The following NSD3 variants were observed in gnomAD, a reference collection of about 807,000 sequenced individuals.
The protein encoded by NSD3 is histone-lysine N-methyltransferase NSD3.
A neutral mutation model predicts 160.8 loss-of-function variants in NSD3; 24 were observed. The observed-to-expected ratio is 0.15, with a 90% CI of 0.11 to 0.21. The LOEUF is 0.21. Ranked by LOEUF, NSD3 falls within the 10% of genes least tolerant of loss-of-function variation. NSD3 has a pLI of 1.00. For missense variants in NSD3, 1,157 were observed against 1,735.9 expected (o/e 0.67, Z 5.93); for synonymous variants, 520 against 600.0 (o/e 0.87, Z 1.95).
At chr8:38,342,253 G>C (rs1408354768) in intron 2 of NSD3, among the ~76,000 whole-genome samples, 1 of 152,098 alleles carries the variant, frequency 6.6e-6, no homozygotes, top group Non-Finnish European at 1.5e-5. Flanking sequence ...AAATGTACGT[G>C]AGCAAAACAG....
In NSD3 at chr8:38,316,668, A is replaced by C; in HGVS notation, c.1856-626T>G. 4 of 1,054,548 alleles carry C rather than the reference A, an allele frequency of 3.8e-6. No homozygotes were observed. The highest frequency in any genetic ancestry group is 4.6e-6 in the Non-Finnish European group (4 of 872,486). The allele number at this position is 1,054,548 out of a possible 1,614,324, so 65.3% of individuals were successfully genotyped here. The stretch of plus-strand genomic sequence containing the variant: ...ATCTACATATGTCATGCCATTTAGA[A>C]GGCACATTGCTGAGGGCTGTAAATG... On this transcript the variant is annotated intron_variant, in intron 9 of 23. Coordinates refer to ENST00000317025, the MANE Select transcript of NSD3 (RefSeq NM_023034.2). The surrounding 1 kb of genome is among the most constrained non-coding windows in gnomAD (Gnocchi z 4.5).
At chr8:38,334,724 C>T (rs1278487429) in intron 4 of NSD3, among the ~76,000 whole-genome samples, 1 of 151,930 alleles carries the variant, frequency 6.6e-6, no homozygotes, top group Non-Finnish European at 1.5e-5. Context: ...CGTGCTACTG[C>T]ACTACAGCCT....
At chr8:38,373,731 A>G (rs1465675928) in intron 1 of NSD3, among the ~76,000 whole-genome samples, 1 of 152,018 alleles carries the variant, frequency 6.6e-6, no homozygotes, top group Admixed American at 6.6e-5. Context: ...CCCTATAAGG[A>G]TCACTTGAGG....
intron 21 of NSD3, among the ~76,000 whole-genome samples, chr8:38,278,717 CA>C (rs1333712773): frequency 6.6e-6 from 1 of 152,188 alleles, no homozygotes; most frequent in Admixed American, 6.5e-5. Flanking sequence ...GACTAGGTTC[CA>C]GTTCAGCCTT....
At chr8:38,348,334 T>C (rs995431975) in intron 1 of NSD3, 119 bp from the exon 2 acceptor site, 18 of 669,418 alleles carry the variant, frequency 2.7e-5, no homozygotes, top group Admixed American at 1.8e-4. Flanking sequence ...CAGATATGCA[T>C]AGACATTAAA....
At position 38,288,207 on chromosome 8, in the gene NSD3, T is replaced by TA. The variant is rs897995642; in HGVS notation, c.3501+279dup. On this transcript the variant is annotated intron_variant, in intron 19 of 23. Transcript: ENST00000317025. The surrounding 1 kb of genome is among the most constrained non-coding windows in gnomAD (Gnocchi z 4.5). ...TTAAAAGAAAATAAAAATAAAACAA[T>TA]AAAAAAAACAAGTAAAAACCATTTC... is the stretch of plus-strand genomic sequence containing the variant. Among the ~76,000 whole-genome samples the TA allele has an allele frequency of 5.1e-4, 78 of 151,660 alleles. No homozygotes were observed. Among genetic ancestry groups the TA allele is most frequent in the African/African-American group, 1.7e-3 (71 of 41,364 alleles).
intron 16 of NSD3, among the ~76,000 whole-genome samples, chr8:38,295,550 C>T (rs1266102092): frequency 1.3e-5 from 2 of 151,890 alleles, no homozygotes; most frequent in African/African-American, 2.4e-5. Flanking sequence ...AGAGCCAAAC[C>T]GCCTCACAAA....
chr8:38,304,490 G>C (rs1315351133), intron 14 of NSD3, 97 bp downstream of exon 14: 1 of 1,240,670 alleles, frequency 8.1e-7, no homozygotes, highest in African/African-American at 1.5e-5. Flanking sequence ...GATTCTACTA[G>C]ATGGCCTGAG....
At chr8:38,285,790 C>T (rs1172479092) in intron 19 of NSD3, among the ~76,000 whole-genome samples, 1 of 152,154 alleles carries the variant, frequency 6.6e-6, no homozygotes, top group Non-Finnish European at 1.5e-5. Context: ...TCCACATATC[C>T]AATACATCAG....
At chr8:38,371,733 G>A (rs1585933094) in intron 1 of NSD3, among the ~76,000 whole-genome samples, 1 of 152,124 alleles carries the variant, frequency 6.6e-6, no homozygotes, top group Non-Finnish European at 1.5e-5. Context: ...AGACCACTTA[G>A]AGTGACAAAA....
intron 2 of NSD3, among the ~76,000 whole-genome samples, chr8:38,347,065 G>C (rs1318712117): frequency 6.6e-6 from 1 of 152,062 alleles, no homozygotes; most frequent in Non-Finnish European, 1.5e-5. Context: ...TTAATAAAAA[G>C]ATTTCTATTA....
In NSD3 at chr8:38,269,908, AAAG is replaced by A. The variant is rs1808379575; in HGVS notation, c.*5730_*5732del. The A allele has an allele frequency of 6.6e-6, 1 of 152,248 alleles. No homozygotes were observed. The highest frequency in any genetic ancestry group is 1.5e-5 in the Non-Finnish European group (1 of 68,048). 9.4% of individuals were successfully genotyped at this position (152,248 alleles called of 1,614,324 possible). A position where few individuals can be genotyped will look rare whatever the true frequency, so the allele number is the denominator to read the frequency against. Reference sequence around the variant, plus strand: ...TGTTCCTACCAGCACACACATCAGTAAAGAAGCTTAAATATTACAGGCAACCCT... The same window carrying A: ...TGTTCCTACCAGCACACACATCAGTAAAGCTTAAATATTACAGGCAACCCT... On this transcript the variant is annotated 3_prime_UTR_variant, in exon 24 of 24. Transcript: ENST00000317025.
Position 38,382,094 on chromosome 8 carries a change from G to T in NSD3, c.-340C>A. ...GCCGAGGGACGGGGGTCGCCGCGCC[G>T]CCGCTGCTGCCAGAGAGGAGCCTGC... On this transcript the variant is annotated 5_prime_UTR_variant, in exon 1 of 24. Coordinates refer to ENST00000317025, the MANE Select transcript of NSD3 (RefSeq NM_023034.2). The surrounding 1 kb of genome is among the most constrained non-coding windows in gnomAD (Gnocchi z 4.2). The T allele has an allele frequency of 6.5e-6, 1 of 152,812 alleles. No homozygotes were observed. The highest frequency in any genetic ancestry group is 1.5e-5 in the Non-Finnish European group (1 of 68,124). 9.5% of individuals were successfully genotyped at this position (152,812 alleles called of 1,614,324 possible). A position where few individuals can be genotyped will look rare whatever the true frequency, so the allele number is the denominator to read the frequency against.
intron 13 of NSD3, 82 bp downstream of exon 13, chr8:38,305,166 T>C: frequency 7.1e-7 from 1 of 1,402,740 alleles, no homozygotes; most frequent in Non-Finnish European, 9.8e-7. Flanking sequence ...ATGCCTTATG[T>C]TGTTTGTAAT....
chr8:38,335,043 G>A (rs1298050175), intron 4 of NSD3, among the ~76,000 whole-genome samples: 1 of 146,986 alleles, frequency 6.8e-6, no homozygotes, highest in Non-Finnish European at 1.5e-5. Flanking sequence ...GGAGTGAAGT[G>A]GTGGATCTCG....
chr8:38,303,430 T>G lies in NSD3; in HGVS notation c.2611+1157A>C. On this transcript the variant is annotated intron_variant, in intron 14 of 23. Transcript: ENST00000317025. ...TTAAGAAAGACACAGTACTTCCTGCTCCAAAGGCAGACAGTCACATGTGCT... is the reference window on the plus strand; with the variant it reads ...TTAAGAAAGACACAGTACTTCCTGCGCCAAAGGCAGACAGTCACATGTGCT... 3 of 983,506 alleles carry G rather than the reference T, an allele frequency of 3.1e-6. 1 individual carries two copies. In the South Asian group the frequency reaches 1.4e-4, roughly 46 times the overall value. 60.9% of individuals were successfully genotyped at this position (983,506 alleles called of 1,614,324 possible). A position where few individuals can be genotyped will look rare whatever the true frequency, so the allele number is the denominator to read the frequency against.
Position 38,288,441 on chromosome 8 carries a change from A to T in NSD3, c.3501+46T>A. ...ATACCCTACTGAAGCATTCCTGAAAAGCCAGGTTCTGGTCTCTTCCACCCC... is the reference window on the plus strand; with the variant it reads ...ATACCCTACTGAAGCATTCCTGAAATGCCAGGTTCTGGTCTCTTCCACCCC... On this transcript the variant is annotated intron_variant, in intron 19 of 23. Coordinates refer to ENST00000317025, the MANE Select transcript of NSD3 (RefSeq NM_023034.2). The surrounding 1 kb of genome is among the most constrained non-coding windows in gnomAD (Gnocchi z 4.5). 6.3e-7 allele frequency: 1 copy of T among 1,586,962 alleles called. No homozygotes were observed. The highest frequency in any genetic ancestry group is 1.8e-5 in the Admixed American group (1 of 56,572).
chr8:38,329,282 G>A lies in NSD3; in HGVS notation c.1581+96C>T. Reference sequence around the variant, plus strand: ...TGTTTCAAATTCAGTGGGTAGAAAGGGTATTTAAATTATGCCAAGGTCATT... The same window carrying A: ...TGTTTCAAATTCAGTGGGTAGAAAGAGTATTTAAATTATGCCAAGGTCATT... On this transcript the variant is annotated intron_variant, in intron 6 of 23. Transcript: ENST00000317025. This position sits in a 1 kb window ranked among gnomAD's most constrained non-coding sequence, Gnocchi z 4.8. 1 of 1,379,112 alleles carries A rather than the reference G, an allele frequency of 7.3e-7. No individual in the cohort carries two copies. The highest frequency in any genetic ancestry group is 1.5e-5 in the South Asian group (1 of 68,898). 85.4% of individuals were successfully genotyped at this position (1,379,112 alleles called of 1,614,324 possible).
intron 1 of NSD3, among the ~76,000 whole-genome samples, chr8:38,367,641 G>A (rs1014055099): frequency 7.2e-5 from 11 of 152,106 alleles, no homozygotes; most frequent in African/African-American, 2.7e-4. Context: ...GAACCCGGGA[G>A]GTGGAGGTTG....
Sources: gnomAD v4.1 joint callset for allele counts (sites outside exome capture counted in the v4.1 genomes callset) on GRCh38, gnomAD v4.1.1 for gene constraint, Gnocchi (gnomAD v3.1) non-coding constraint, MANE v1.5 for transcripts, NCBI Gene and HGNC (gene_info 2026-07-23, HGNC 2026-07-21) for gene names.